CFAP97D2: variants seen among roughly 807,000 people sequenced by gnomAD.
The protein encoded by CFAP97D2 is CFAP97 domain containing 2, also known as uncharacterized protein CFAP97D2.
rs1269767424 is a variant in CFAP97D2, at chr13:114,207,517, C to T, written c.291-4395C>T. 6.6e-6 allele frequency among the ~76,000 whole-genome samples: 1 copy of T among 152,114 alleles called. No homozygotes were observed. Among genetic ancestry groups the T allele is most frequent in the African/African-American group, 2.4e-5 (1 of 41,408 alleles). On this transcript the variant is annotated intron_variant, in intron 3 of 4. Transcript: ENST00000646158. This position sits in a 1 kb window ranked among gnomAD's most constrained non-coding sequence, Gnocchi z 4.9. ...ACGCAGCTTAGATCTCTCGAACGTG[C>T]AGTTCACAATAGGGTTCACACTCCT...
intron 2 of CFAP97D2, among the ~76,000 whole-genome samples, chr13:114,198,720 C>T (rs1476099434): frequency 2.5e-5 from 2 of 78,822 alleles, no homozygotes; most frequent in African/African-American, 8.2e-5. Flanking sequence ...GGGGTGACGG[C>T]GCGTCCCCGT....
rs1203415708 is a variant in CFAP97D2 at position 114,212,783 on chromosome 13, C to T, written c.480+682C>T. On this transcript the variant is annotated intron_variant, in intron 4 of 4. Coordinates refer to ENST00000646158, the Ensembl canonical transcript of CFAP97D2. The stretch of plus-strand genomic sequence containing the variant: ...AGGAGAATCACTTGAACCCAGGAGA[C>T]GGAGGTTGCAGTGAGCCGAGATCTT... Among the ~76,000 whole-genome samples, 8 of 152,022 alleles carry T rather than the reference C, an allele frequency of 5.3e-5. No individual in the cohort carries two copies. In the East Asian group the frequency reaches 7.7e-4, roughly 15 times the overall value.
intron 1 of CFAP97D2, among the ~76,000 whole-genome samples, chr13:114,195,218 GT>G (rs2138760481): frequency 6.6e-6 from 1 of 152,342 alleles, no homozygotes; most frequent in East Asian, 1.9e-4. Flanking sequence ...TTCACACGTA[GT>G]GACAGAGGAG....
intron 3 of CFAP97D2, among the ~76,000 whole-genome samples, chr13:114,200,952 C>G (rs1194771997): frequency 6.6e-6 from 1 of 152,204 alleles, no homozygotes; most frequent in Admixed American, 6.5e-5. Flanking sequence ...CTAGGTCCAG[C>G]ATCTTTCTGG....
intron 4 of CFAP97D2, among the ~76,000 whole-genome samples, chr13:114,216,527 A>G (rs1041699519): frequency 2.0e-5 from 3 of 152,022 alleles, no homozygotes; most frequent in Non-Finnish European, 4.4e-5. Flanking sequence ...ACCTATGAAT[A>G]AGAACATGCG....
intron 3 of CFAP97D2, among the ~76,000 whole-genome samples, chr13:114,210,660 A>G (rs1441185198): frequency 3.3e-5 from 5 of 151,916 alleles, no homozygotes; most frequent in African/African-American, 1.2e-4. Flanking sequence ...TGCAGATTTG[A>G]TTGCAGATCC....
At chr13:114,180,839 A>G (rs2080829330) in intron 1 of CFAP97D2, among the ~76,000 whole-genome samples, 1 of 152,246 alleles carries the variant, frequency 6.6e-6, no homozygotes, top group African/African-American at 2.4e-5. Flanking sequence ...GTAGCTGGTC[A>G]GTAATCCTGC....
rs564953304 is a variant in CFAP97D2, at chr13:114,216,911, T to C, written c.480+4810T>C. 3.0e-3 allele frequency among the ~76,000 whole-genome samples: 454 copies of C among 152,310 alleles called. 3 individuals carry two copies. Among genetic ancestry groups the C allele is most frequent in the African/African-American group, 0.01 (436 of 41,550 alleles). ...AACTAGTTTACAGTCCCACCAACAG[T>C]GTAAAAGTGTTCCTATTTCTCCACA... On this transcript the variant is annotated intron_variant, in intron 4 of 4. Coordinates refer to ENST00000646158, the Ensembl canonical transcript of CFAP97D2.
At chr13:114,215,908 C>G (rs79632000) in intron 4 of CFAP97D2, 2 of 152,196 alleles carry the variant, frequency 1.3e-5, no homozygotes, top group African/African-American at 2.4e-5. Flanking sequence ...GTGGGCTGGG[C>G]TCAGGTAGGA....
At chr13:114,209,273 A>G (rs1359212066) in intron 3 of CFAP97D2, among the ~76,000 whole-genome samples, 1 of 152,252 alleles carries the variant, frequency 6.6e-6, no homozygotes, top group Non-Finnish European at 1.5e-5. Flanking sequence ...AAGTAGCCAA[A>G]GTCATCATTT....
At chr13:114,181,659 C>T (rs1218656478) in intron 1 of CFAP97D2, among the ~76,000 whole-genome samples, 2 of 152,128 alleles carry the variant, frequency 1.3e-5, no homozygotes, top group Non-Finnish European at 2.9e-5. Flanking sequence ...AGAATCAGCT[C>T]TTTGAATAAC....
intron 4 of CFAP97D2, among the ~76,000 whole-genome samples, chr13:114,217,936 A>C (rs2138790007): frequency 6.6e-6 from 1 of 152,306 alleles, no homozygotes; most frequent in African/African-American, 2.4e-5. Flanking sequence ...ATGGGCAAAA[A>C]CTGGAAGCAT....
chr13:114,214,970 A>T (rs1284663226), intron 4 of CFAP97D2, among the ~76,000 whole-genome samples: 1 of 152,178 alleles, frequency 6.6e-6, no homozygotes, highest in Non-Finnish European at 1.5e-5. Context: ...CAGTTTTTCG[A>T]TATTCCAAGT....
Position 114,186,717 on chromosome 13 carries a change from G to T in CFAP97D2, c.90+7297G>T, listed in dbSNP as rs966436007. Reference sequence around the variant, plus strand: ...TATGGAAGCTTCTTGCAGTATGCCTGGTCCAGGCACAGCCTCGCAGTGAGC... The same window carrying T: ...TATGGAAGCTTCTTGCAGTATGCCTTGTCCAGGCACAGCCTCGCAGTGAGC... On this transcript the variant is annotated intron_variant, in intron 1 of 4. Transcript: ENST00000646158. This position sits in a 1 kb window ranked among gnomAD's most constrained non-coding sequence, Gnocchi z 4.3. 2.6e-5 allele frequency among the ~76,000 whole-genome samples: 4 copies of T among 152,246 alleles called. No individual in the cohort carries two copies. The highest frequency in any genetic ancestry group is 9.6e-5 in the African/African-American group (4 of 41,456).
At position 114,211,731 on chromosome 13, in the gene CFAP97D2, T is replaced by C. The variant is rs935057882; in HGVS notation, c.291-181T>C. ...GCTGAGTGTGCCCTTCGCTCCTCTC[T>C]GAGCCAGCAGCTCCCACTCCAGCAC... is the stretch of plus-strand genomic sequence containing the variant. On this transcript the variant is annotated intron_variant, in intron 3 of 4. Transcript: ENST00000646158. The surrounding 1 kb of genome is among the most constrained non-coding windows in gnomAD (Gnocchi z 4.2). Among the ~76,000 whole-genome samples the C allele has an allele frequency of 6.6e-6, 1 of 152,212 alleles. No individual in the cohort carries two copies. Among genetic ancestry groups the C allele is most frequent in the African/African-American group, 2.4e-5 (1 of 41,442 alleles).
At chr13:114,194,600 CA>C (rs1215176562) in intron 1 of CFAP97D2, among the ~76,000 whole-genome samples, 1 of 152,074 alleles carries the variant, frequency 6.6e-6, no homozygotes, top group East Asian at 1.9e-4. Flanking sequence ...ATTTCCCCCC[CA>C]AGAGCATTCT....
chr13:114,202,050 C>G (rs956178380), intron 3 of CFAP97D2, among the ~76,000 whole-genome samples: 2 of 152,218 alleles, frequency 1.3e-5, no homozygotes, highest in Non-Finnish European at 2.9e-5. Flanking sequence ...CTCTGCCCAT[C>G]GAAGGTTCCC....
chr13:114,202,505 A>G (rs922019977), intron 3 of CFAP97D2, among the ~76,000 whole-genome samples: 1 of 152,228 alleles, frequency 6.6e-6, no homozygotes, highest in Non-Finnish European at 1.5e-5. Context: ...AGAACAGCAA[A>G]TGTCCCTGGT....
At position 114,187,762 on chromosome 13, in the gene CFAP97D2, A is replaced by G. The variant is rs2080856785; in HGVS notation, c.90+8342A>G. On this transcript the variant is annotated intron_variant, in intron 1 of 4. Transcript: ENST00000646158. The surrounding 1 kb of genome is among the most constrained non-coding windows in gnomAD (Gnocchi z 4.2). The stretch of plus-strand genomic sequence containing the variant: ...AATCAACTAGATATAATTGATATCT[A>G]TCATCCAATTCATCCAGCAACAGGA... Among the ~76,000 whole-genome samples, 2 of 152,354 alleles carry G rather than the reference A, an allele frequency of 1.3e-5. No individual in the cohort carries two copies. Among genetic ancestry groups the G allele is most frequent in the Non-Finnish European group, 1.5e-5 (1 of 68,028 alleles).
Sources: gnomAD v4.1 joint callset for allele counts (sites outside exome capture counted in the v4.1 genomes callset) on GRCh38, gnomAD v4.1.1 for gene constraint, Gnocchi (gnomAD v3.1) non-coding constraint, MANE v1.5 for transcripts, NCBI Gene and HGNC (gene_info 2026-07-23, HGNC 2026-07-21) for gene names.